Variants in DGKI observed in about 807,000 individuals in gnomAD.
DGKI encodes the protein DAG kinase iota.
In DGKI, 55 loss-of-function variants were observed where a neutral mutation model predicts 147.5. The ratio of observed to expected loss-of-function variants is 0.37; its 90% confidence interval spans 0.30 to 0.47. The LOEUF (loss-of-function observed/expected upper bound fraction) is 0.47, where lower values mean the gene tolerates loss of function less well. Among genes scored for constraint, DGKI ranks in the 20% least tolerant of loss-of-function variants. DGKI has a pLI of 1.00. For missense variants in DGKI, 1,007 were observed against 1,323.8 expected (o/e 0.76, Z 3.71); for synonymous variants, 469 against 477.1 (o/e 0.98, Z 0.22).
chr7:137,708,890 C>T (rs558425247), intron 1 of DGKI, among the ~76,000 whole-genome samples: 31 of 152,216 alleles, frequency 2.0e-4, no homozygotes, highest in African/African-American at 7.0e-4. Flanking sequence ...CATGAAGATG[C>T]AATTCAGTAA....
At chr7:137,623,622 G>A in intron 6 of DGKI, 68 bp from the exon 7 acceptor site, 1 of 1,385,168 alleles carries the variant, frequency 7.2e-7, no homozygotes, top group Non-Finnish European at 1.0e-6. Flanking sequence ...TTGCCCTCCT[G>A]AAGTGCAATG....
intron 6 of DGKI, among the ~76,000 whole-genome samples, chr7:137,644,209 T>C (rs1307428191): frequency 6.6e-6 from 1 of 152,182 alleles, no homozygotes; most frequent in Non-Finnish European, 1.5e-5. Flanking sequence ...GTACAAATCT[T>C]TCCACTTCCC....
At chr7:137,595,489 A>G (rs1819755539) in intron 12 of DGKI, among the ~76,000 whole-genome samples, 1 of 152,190 alleles carries the variant, frequency 6.6e-6, no homozygotes, top group Non-Finnish European at 1.5e-5. Context: ...GACAGAACAG[A>G]CTGGTGGCTG....
chr7:137,579,159 C>T (rs1819090547), intron 15 of DGKI, among the ~76,000 whole-genome samples: 1 of 151,982 alleles, frequency 6.6e-6, no homozygotes, highest in Non-Finnish European at 1.5e-5. Context: ...ATTTTTTTCA[C>T]AATGGCTTTC....
chr7:137,759,482 C>T (rs1795789355), intron 1 of DGKI, among the ~76,000 whole-genome samples: 1 of 152,138 alleles, frequency 6.6e-6, no homozygotes. Context: ...GCTGGGATTA[C>T]AGGCGCCTGC....
At chr7:137,515,779 A>T (rs542092998) in intron 21 of DGKI, among the ~76,000 whole-genome samples, 6 of 152,214 alleles carry the variant, frequency 3.9e-5, no homozygotes, top group African/African-American at 1.4e-4. Flanking sequence ...CAATATATGT[A>T]AAAAAGGCAT....
At chr7:137,746,336 T>G (rs958370285) in intron 1 of DGKI, among the ~76,000 whole-genome samples, 2 of 152,124 alleles carry the variant, frequency 1.3e-5, no homozygotes, top group Non-Finnish European at 2.9e-5. Flanking sequence ...AAAAGTCACA[T>G]GAAGGTGATA....
At chr7:137,480,882 C>T (rs1815349209) in intron 23 of DGKI, among the ~76,000 whole-genome samples, 1 of 152,090 alleles carries the variant, frequency 6.6e-6, no homozygotes, top group African/African-American at 2.4e-5. Flanking sequence ...AAAAAAACCC[C>T]TCTAATTGCT....
chr7:137,671,239 T>C (rs1822833786), intron 3 of DGKI, among the ~76,000 whole-genome samples: 1 of 152,212 alleles, frequency 6.6e-6, no homozygotes, highest in African/African-American at 2.4e-5. Context: ...GAGCAAATAT[T>C]GTGATACCCC....
intron 8 of DGKI, among the ~76,000 whole-genome samples, chr7:137,613,993 T>G (rs921398372): frequency 1.3e-5 from 2 of 152,136 alleles, no homozygotes; most frequent in Non-Finnish European, 2.9e-5. Flanking sequence ...TGCTTATCAT[T>G]TTAAATGCTG....
chr7:137,697,985 T>C (rs1823848815), intron 1 of DGKI, among the ~76,000 whole-genome samples: 1 of 151,388 alleles, frequency 6.6e-6, no homozygotes, highest in Non-Finnish European at 1.5e-5. Flanking sequence ...TATATAGATA[T>C]CTCTCCAGAT....
intron 21 of DGKI, among the ~76,000 whole-genome samples, chr7:137,498,651 C>CT (rs2128941231): frequency 6.6e-6 from 1 of 152,188 alleles, no homozygotes; most frequent in East Asian, 1.9e-4. Flanking sequence ...AGTTCTAAGA[C>CT]TTTTACAGAT....
At chr7:137,622,949 G>A in intron 7 of DGKI, among the ~76,000 whole-genome samples, 1 of 152,164 alleles carries the variant, frequency 6.6e-6, no homozygotes, top group Middle Eastern at 3.2e-3. Context: ...TGAGTGTACA[G>A]ACAACATCCA....
chr7:137,532,949 A>T (rs565685425), intron 20 of DGKI, among the ~76,000 whole-genome samples: 1 of 152,276 alleles, frequency 6.6e-6, no homozygotes, highest in African/African-American at 2.4e-5. Context: ...TAACTTTTAC[A>T]AAATTTGATA....
At chr7:137,418,234 C>G (rs532121930) in intron 28 of DGKI, among the ~76,000 whole-genome samples, 9 of 152,114 alleles carry the variant, frequency 5.9e-5, no homozygotes, top group Non-Finnish European at 1.2e-4. Flanking sequence ...GTTAGTTTAC[C>G]AAGCTCCAGT....
chr7:137,801,575 C>T lies in DGKI; in HGVS notation c.401+44887G>A, dbSNP rs373468260. On this transcript the variant is annotated intron_variant, in intron 1 of 32. Transcript: ENST00000614521. ...ACTCTCCACAGAATAAATAATAATTCGGAGTGACCTGATAGTAAGTGGCAT... is the reference window on the plus strand; with the variant it reads ...ACTCTCCACAGAATAAATAATAATTTGGAGTGACCTGATAGTAAGTGGCAT... 5.3e-4 allele frequency among the ~76,000 whole-genome samples: 80 copies of T among 152,240 alleles called. 1 individual carries two copies. Among genetic ancestry groups the T allele is most frequent in the African/African-American group, 1.9e-3 (77 of 41,536 alleles).
chr7:137,746,333 A>G (rs1367347523), intron 1 of DGKI, among the ~76,000 whole-genome samples: 2 of 152,158 alleles, frequency 1.3e-5, no homozygotes, highest in African/African-American at 2.4e-5. Flanking sequence ...AAGAAAAGTC[A>G]CATGAAGGTG....
chr7:137,770,534 G>GT (rs1396125188), intron 1 of DGKI, among the ~76,000 whole-genome samples: 3,914 of 101,408 alleles, frequency 0.039, 872 homozygotes, highest in Non-Finnish European at 0.052. Flanking sequence ...TACTCAGTGG[G>GT]TTTTTTTTTT....
intron 30 of DGKI, among the ~76,000 whole-genome samples, chr7:137,399,890 G>A (rs77104589): frequency 0.03 from 4,526 of 148,690 alleles, 213 homozygotes; most frequent in African/African-American, 0.11. Flanking sequence ...GTGACAGCCT[G>A]GGTGACAGAG....
Sources: gnomAD v4.1 joint callset for allele counts (sites outside exome capture counted in the v4.1 genomes callset) on GRCh38, gnomAD v4.1.1 for gene constraint, MANE v1.5 for transcripts, NCBI Gene and HGNC (gene_info 2026-07-23, HGNC 2026-07-21) for gene names.